Variants in CNTN5 observed in about 807,000 individuals in gnomAD.
The protein encoded by CNTN5 is contactin-5.
In CNTN5, 77 loss-of-function variants were observed where a neutral mutation model predicts 129.1. The observed-to-expected ratio is 0.60, with a 90% confidence interval of 0.50 to 0.72. CNTN5 has a LOEUF of 0.72. Among genes scored for constraint, CNTN5 ranks in the 30% least tolerant of loss-of-function variants. The pLI is 0.00. For missense variants in CNTN5, 1,478 were observed against 1,328.8 expected (o/e 1.11, Z -1.75); for synonymous variants, 509 against 465.6 (o/e 1.09, Z -1.20).
At chr11:99,305,606 G>A (rs75339244) in intron 1 of CNTN5, among the ~76,000 whole-genome samples, 12,287 of 152,160 alleles carry the variant, frequency 0.081, 585 homozygotes, top group Middle Eastern at 0.12. Flanking sequence ...ACAATCCACA[G>A]CAATGTTAGT....
chr11:100,176,851 G>GGTGTGT (rs3031275), intron 13 of CNTN5, among the ~76,000 whole-genome samples: 264 of 150,282 alleles, frequency 1.8e-3, no homozygotes, highest in East Asian at 6.6e-3. Context: ...CATATAGTAT[G>GGTGTGT]GTGTGTGTGT....
intron 1 of CNTN5, among the ~76,000 whole-genome samples, chr11:99,273,390 G>C (rs1327307852): frequency 6.6e-6 from 1 of 151,770 alleles, no homozygotes; most frequent in Non-Finnish European, 1.5e-5. Context: ...TACTAGGTCC[G>C]CTTCTCTAGT....
At chr11:99,768,610 A>G (rs1033495033) in intron 3 of CNTN5, among the ~76,000 whole-genome samples, 1 of 152,098 alleles carries the variant, frequency 6.6e-6, no homozygotes, top group Non-Finnish European at 1.5e-5. Flanking sequence ...GAGTCATACA[A>G]TTTGGATTTA....
At chr11:100,348,464 A>C (rs1164064114) in intron 23 of CNTN5, among the ~76,000 whole-genome samples, 1 of 151,984 alleles carries the variant, frequency 6.6e-6, no homozygotes, top group African/African-American at 2.4e-5. Context: ...TCTTAATCCT[A>C]AATCTCAACT....
At chr11:99,135,046 AATAT>A (rs970669890) in intron 1 of CNTN5, among the ~76,000 whole-genome samples, 3 of 152,166 alleles carry the variant, frequency 2.0e-5, no homozygotes, top group Non-Finnish European at 4.4e-5. Context: ...AGAACACTAT[AATAT>A]AAGCCTTGCA....
In CNTN5 at chr11:100,337,078, C is replaced by T. The variant is rs1433720173; in HGVS notation, c.2731-3385C>T. On this transcript the variant is annotated intron_variant, in intron 21 of 24. Coordinates refer to ENST00000524871, the MANE Select transcript of CNTN5 (RefSeq NM_014361.4). Reference sequence around the variant, plus strand: ...CAATGCTGAGATTTCACAAATCACTCTTGTAGGGATCATCAGACATGCAGA... The same window carrying T: ...CAATGCTGAGATTTCACAAATCACTTTTGTAGGGATCATCAGACATGCAGA... 5 of 1,304,246 alleles carry T rather than the reference C, an allele frequency of 3.8e-6. No homozygotes were observed. In the African/African-American group the frequency reaches 5.8e-5, roughly 15 times the overall value. 80.8% of individuals were successfully genotyped at this position (1,304,246 alleles called of 1,614,324 possible). A position where few individuals can be genotyped will look rare whatever the true frequency, so the allele number is the denominator to read the frequency against.
rs77159466 is a variant in CNTN5, at chr11:99,305,115, G to A, written c.-209-20231G>A. Among the ~76,000 whole-genome samples, 101 of 152,198 alleles carry A rather than the reference G, an allele frequency of 6.6e-4. 2 individuals carry two copies. Among genetic ancestry groups the A allele is most frequent in the African/African-American group, 2.4e-3 (98 of 41,538 alleles). ...CCAACCATAAGCATTCCAGAATGAGGGAAGTACATCACTCTAGGAGCAAGC... is the reference window on the plus strand; with the variant it reads ...CCAACCATAAGCATTCCAGAATGAGAGAAGTACATCACTCTAGGAGCAAGC... On this transcript the variant is annotated intron_variant, in intron 1 of 24. Transcript: ENST00000524871.
intron 1 of CNTN5, among the ~76,000 whole-genome samples, chr11:99,088,907 A>C (rs1866115838): frequency 6.6e-6 from 1 of 152,204 alleles, no homozygotes; most frequent in Admixed American, 6.5e-5. Flanking sequence ...GAGCTTATTT[A>C]TGTTATACAC....
chr11:99,123,813 C>G (rs986386991), intron 1 of CNTN5, among the ~76,000 whole-genome samples: 7 of 151,992 alleles, frequency 4.6e-5, no homozygotes, highest in Admixed American at 2.0e-4. Context: ...AGTTCTTTCT[C>G]TATTACTAGT....
rs545308656 is a variant in CNTN5, at chr11:99,576,594, T to G, written c.55+20325T>G. ...GTCTTAATTCATAGAGGTAACAGAC[T>G]CTCTTAATCCATTTGGGCTGCTATA... On this transcript the variant is annotated intron_variant, in intron 3 of 24. Transcript: ENST00000524871. Among the ~76,000 whole-genome samples, 25 of 152,296 alleles carry G rather than the reference T, an allele frequency of 1.6e-4. No individual in the cohort carries two copies. The South Asian group carries it at 4.8e-3, about 29-fold the overall frequency.
chr11:99,074,789 T>C (rs1321324054), intron 1 of CNTN5, among the ~76,000 whole-genome samples: 1 of 152,176 alleles, frequency 6.6e-6, no homozygotes, highest in African/African-American at 2.4e-5. Context: ...GAGTATCTAC[T>C]ATATGCCCAG....
intron 13 of CNTN5, among the ~76,000 whole-genome samples, chr11:100,119,942 A>T (rs1945958639): frequency 6.6e-6 from 1 of 151,990 alleles, no homozygotes; most frequent in African/African-American, 2.4e-5. Flanking sequence ...TTTACAAAAC[A>T]AAAATTATTT....
chr11:99,276,709 T>G (rs2135875154), intron 1 of CNTN5, among the ~76,000 whole-genome samples: 1 of 151,606 alleles, frequency 6.6e-6, no homozygotes, highest in South Asian at 2.1e-4. Context: ...TGAAAATTTT[T>G]ATTTGAGTGT....
At chr11:99,784,981 A>G (rs1945463930) in intron 3 of CNTN5, among the ~76,000 whole-genome samples, 1 of 151,576 alleles carries the variant, frequency 6.6e-6, no homozygotes, top group East Asian at 2.0e-4. Context: ...TTGTATTTTT[A>G]GTAGAGACAG....
At chr11:99,395,211 T>C (rs891476398) in intron 2 of CNTN5, among the ~76,000 whole-genome samples, 5 of 151,838 alleles carry the variant, frequency 3.3e-5, no homozygotes, top group African/African-American at 1.2e-4. Flanking sequence ...CTTTTATTTT[T>C]GACATTTTAA....
At chr11:99,629,091 T>TGATGGATG (rs1565365867) in intron 3 of CNTN5, among the ~76,000 whole-genome samples, 1 of 151,972 alleles carries the variant, frequency 6.6e-6, no homozygotes, top group African/African-American at 2.4e-5. Flanking sequence ...ACAATAAATA[T>TGATGGATG]GTTGGGTCAA....
At chr11:99,545,476 AT>A (rs1948260027) in intron 2 of CNTN5, among the ~76,000 whole-genome samples, 1 of 152,212 alleles carries the variant, frequency 6.6e-6, no homozygotes, top group Admixed American at 6.5e-5. Context: ...TTATTTTCAT[AT>A]TTAATTAAAT....
At chr11:100,014,246 C>T (rs1940692639) in intron 9 of CNTN5, among the ~76,000 whole-genome samples, 1 of 152,064 alleles carries the variant, frequency 6.6e-6, no homozygotes, top group South Asian at 2.1e-4. Context: ...TGATGCAGCC[C>T]TCTGCATAAC....
intron 1 of CNTN5, among the ~76,000 whole-genome samples, chr11:99,279,462 T>A (rs1411879474): frequency 6.6e-6 from 1 of 151,828 alleles, no homozygotes; most frequent in East Asian, 1.9e-4. Context: ...GTCCAGGAGA[T>A]CTGCTAATGA....
Sources: allele counts gnomAD v4.1 joint callset (sites outside exome capture counted in the v4.1 genomes callset), GRCh38; gene constraint gnomAD v4.1.1; transcripts MANE v1.5; gene names NCBI Gene and HGNC (gene_info 2026-07-23, HGNC 2026-07-21).